BCAS3: variants seen among roughly 807,000 people sequenced by gnomAD.
BCAS3 encodes the protein BCAS3 microtubule associated cell migration factor, also known as BCAS4/BCAS3 fusion.
A neutral mutation model predicts 116.1 loss-of-function variants in BCAS3; 53 were observed. The observed-to-expected ratio is 0.46, with a 90% CI of 0.37 to 0.57. The LOEUF (loss-of-function observed/expected upper bound fraction) is 0.57, where lower values mean the gene tolerates loss of function less well. Ranked by LOEUF, BCAS3 falls within the 20% of genes least tolerant of loss-of-function variation. The pLI is 0.00. For missense variants in BCAS3, 917 were observed against 1,165.4 expected, an observed-to-expected ratio of 0.79 and a Z score of 3.10; for synonymous variants, 391 against 408.2, an observed-to-expected ratio of 0.96 and a Z score of 0.51.
chr17:61,080,386 C>A (rs921938625), intron 21 of BCAS3, among the ~76,000 whole-genome samples: 1 of 152,172 alleles, frequency 6.6e-6, no homozygotes, highest in Non-Finnish European at 1.5e-5. Context: ...CTAGCAACAT[C>A]TCACAGACTC....
At chr17:61,287,661 G>A (rs1036061310) in intron 22 of BCAS3, among the ~76,000 whole-genome samples, 3 of 152,030 alleles carry the variant, frequency 2.0e-5, no homozygotes, top group South Asian at 2.1e-4. Context: ...AGGAGGTGGC[G>A]GCTACAGTGA....
intron 11 of BCAS3, among the ~76,000 whole-genome samples, chr17:60,905,746 T>C (rs2058155914): frequency 6.6e-6 from 1 of 152,134 alleles, no homozygotes; most frequent in African/African-American, 2.4e-5. Flanking sequence ...GAAGAGAGCT[T>C]CCTCCTGCAG....
intron 6 of BCAS3, among the ~76,000 whole-genome samples, chr17:60,781,549 T>C (rs188654713): frequency 1.3e-5 from 2 of 152,170 alleles, no homozygotes; most frequent in Admixed American, 1.3e-4. Flanking sequence ...CAGTGAGCTA[T>C]GATTGTGCCA....
intron 21 of BCAS3, among the ~76,000 whole-genome samples, chr17:61,080,714 C>T (rs73324858): frequency 0.15 from 22,098 of 152,146 alleles, 5,040 homozygotes; most frequent in African/African-American, 0.49. Flanking sequence ...GAGCCGAGAT[C>T]GTGCCACTGC....
intron 15 of BCAS3, among the ~76,000 whole-genome samples, chr17:60,991,653 C>T (rs963788570): frequency 3.9e-5 from 6 of 152,120 alleles, no homozygotes; most frequent in Non-Finnish European, 5.9e-5. Context: ...ATTCACATAA[C>T]GTAATATTCA....
At position 61,279,070 on chromosome 17, in the gene BCAS3, T is replaced by G. The variant is rs1024325608; in HGVS notation, c.2426-89257T>G. On this transcript the variant is annotated intron_variant, in intron 22 of 23. Coordinates refer to ENST00000407086, the MANE Select transcript of BCAS3 (RefSeq NM_017679.5). The surrounding 1 kb of genome is among the most constrained non-coding windows in gnomAD (Gnocchi z 4.4). ...CAAGTGAGTCTCCTGCCTCAGCCTC[T>G]TGAGTAGCTGGGATTACAGGCATGT... Among the ~76,000 whole-genome samples the G allele has an allele frequency of 6.6e-6, 1 of 151,750 alleles. No individual in the cohort carries two copies. Among genetic ancestry groups the G allele is most frequent in the Admixed American group, 6.6e-5 (1 of 15,222 alleles).
In BCAS3 at chr17:60,916,066, T is replaced by C. The variant is rs1672565890; in HGVS notation, c.993+5364T>C. Among the ~76,000 whole-genome samples, 3 of 152,192 alleles carry C rather than the reference T, an allele frequency of 2.0e-5. No individual in the cohort carries two copies. The South Asian group carries it at 6.2e-4, about 32-fold the overall frequency. On this transcript the variant is annotated intron_variant, in intron 12 of 23. Transcript: ENST00000407086. ...TCAATTATTCACCCCTTGAAGGACA[T>C]TTGCACTGTTTCTAGCATTTTTCTA...
At chr17:61,218,208 T>C (rs1173692825) in intron 22 of BCAS3, among the ~76,000 whole-genome samples, 2 of 152,206 alleles carry the variant, frequency 1.3e-5, no homozygotes, top group Admixed American at 6.5e-5. Context: ...GTCCCCTCTC[T>C]ACTGCCGCAT....
intron 8 of BCAS3, among the ~76,000 whole-genome samples, chr17:60,872,488 CTG>C (rs1162869050): frequency 3.5e-5 from 5 of 144,830 alleles, no homozygotes; most frequent in Non-Finnish European, 7.5e-5. Flanking sequence ...ATGTATATAT[CTG>C]TATGTATATA....
rs902772255 is a variant in BCAS3 at position 61,147,010 on chromosome 17, G to C, written c.2425+62446G>C. On this transcript the variant is annotated intron_variant, in intron 22 of 23. Transcript: ENST00000407086. Reference sequence around the variant, plus strand: ...GCTTACTGCAGCCTCGACCTCCCAGGCTCAAGCAACCCTCCCGCCTCATCC... The same window carrying C: ...GCTTACTGCAGCCTCGACCTCCCAGCCTCAAGCAACCCTCCCGCCTCATCC... Among the ~76,000 whole-genome samples the C allele has an allele frequency of 1.8e-4, 28 of 151,972 alleles. No individual in the cohort carries two copies. In the East Asian group the frequency reaches 5.4e-3, roughly 29 times the overall value.
At chr17:60,717,878 C>G (rs2038810122) in intron 5 of BCAS3, among the ~76,000 whole-genome samples, 1 of 152,164 alleles carries the variant, frequency 6.6e-6, no homozygotes, top group Admixed American at 6.5e-5. Flanking sequence ...TTATACAACT[C>G]ACCATAATGT....
rs1480241904 is a variant in BCAS3, at chr17:61,295,663, G to A, written c.2426-72664G>A. On this transcript the variant is annotated intron_variant, in intron 22 of 23. Coordinates refer to ENST00000407086, the MANE Select transcript of BCAS3 (RefSeq NM_017679.5). Reference sequence around the variant, plus strand: ...TCCATGGTTGCCGTTTGAAATTTCTGTAGGTCAGGCGGGGCGCGGTGGCTC... The same window carrying A: ...TCCATGGTTGCCGTTTGAAATTTCTATAGGTCAGGCGGGGCGCGGTGGCTC... Among the ~76,000 whole-genome samples the A allele has an allele frequency of 2.6e-5, 4 of 152,086 alleles. No homozygotes were observed. The South Asian group carries it at 6.2e-4, about 24-fold the overall frequency.
rs2144259061 is a variant in BCAS3 at position 61,196,851 on chromosome 17, T to C, written c.2425+112287T>C. ...GCTCTAAAGTATAGTTTATATATAA[T>C]GTCATGGTTATTTGTAGAGAGATTG... On this transcript the variant is annotated intron_variant, in intron 22 of 23. Transcript: ENST00000407086. This position sits in a 1 kb window ranked among gnomAD's most constrained non-coding sequence, Gnocchi z 4.7. Among the ~76,000 whole-genome samples, 1 of 152,324 alleles carries C rather than the reference T, an allele frequency of 6.6e-6. No individual in the cohort carries two copies. Among genetic ancestry groups the C allele is most frequent in the Middle Eastern group, 3.4e-3 (1 of 294 alleles).
At chr17:60,799,708 C>CTTT (rs67510415) in intron 6 of BCAS3, among the ~76,000 whole-genome samples, 688 of 49,840 alleles carry the variant, frequency 0.014, 82 homozygotes, top group African/African-American at 0.046. Flanking sequence ...TTTTTCTTTT[C>CTTT]TTTTTTTTTT....
At position 60,941,393 on chromosome 17, in the gene BCAS3, T is replaced by C. The variant is rs2060215051; in HGVS notation, c.1088-5826T>C. ...TACTCTGCACAAGTTTTTCCTTTTA[T>C]GTATATGTGCATTTTAACTTGTTTT... On this transcript the variant is annotated intron_variant, in intron 13 of 23. Coordinates refer to ENST00000407086, the MANE Select transcript of BCAS3 (RefSeq NM_017679.5). Among the ~76,000 whole-genome samples the C allele has an allele frequency of 2.0e-5, 3 of 152,300 alleles. No homozygotes were observed. The South Asian group carries it at 6.2e-4, about 32-fold the overall frequency.
intron 13 of BCAS3, among the ~76,000 whole-genome samples, chr17:60,937,015 C>A (rs1409891563): frequency 6.7e-6 from 1 of 149,812 alleles, no homozygotes; most frequent in Non-Finnish European, 1.5e-5. Context: ...AGTCTTTAAT[C>A]CATCTTGAAT....
intron 7 of BCAS3, among the ~76,000 whole-genome samples, chr17:60,865,348 G>A (rs2054503612): frequency 6.6e-6 from 1 of 152,148 alleles, no homozygotes; most frequent in Admixed American, 6.5e-5. Flanking sequence ...TTTTGATTGT[G>A]ATTATTAAAT....
chr17:60,694,497 C>A (rs1270981530), intron 4 of BCAS3, among the ~76,000 whole-genome samples: 12 of 151,132 alleles, frequency 7.9e-5, no homozygotes, highest in African/African-American at 2.9e-4. Flanking sequence ...GAGATTCCAT[C>A]TCAAAAAAAA....
rs539466342 is a variant in BCAS3 at position 61,355,872 on chromosome 17, C to T, written c.2426-12455C>T. Among the ~76,000 whole-genome samples the T allele has an allele frequency of 1.4e-4, 22 of 152,266 alleles. No individual in the cohort carries two copies. The highest frequency in any genetic ancestry group is 2.4e-4 in the Non-Finnish European group (16 of 68,012). On this transcript the variant is annotated intron_variant, in intron 22 of 23. Transcript: ENST00000407086. The surrounding 1 kb of genome is among the most constrained non-coding windows in gnomAD (Gnocchi z 4.2). ...TCCATTGAAGGAATTGCTAGGTTTCCGAGGATAGTTTGTCTTGCAGTGTAT... is the reference window on the plus strand; with the variant it reads ...TCCATTGAAGGAATTGCTAGGTTTCTGAGGATAGTTTGTCTTGCAGTGTAT...
Sources: allele counts gnomAD v4.1 joint callset (sites outside exome capture counted in the v4.1 genomes callset), GRCh38; gene constraint gnomAD v4.1.1; non-coding constraint Gnocchi (gnomAD v3.1); transcripts MANE v1.5; gene names NCBI Gene and HGNC (gene_info 2026-07-23, HGNC 2026-07-21).